Variants in RHOJ observed in about 807,000 individuals in gnomAD.
RHOJ encodes ras homolog family member J.
A neutral mutation model predicts 23.4 loss-of-function variants in RHOJ; 11 were observed. The observed-to-expected ratio is 0.47, with a 90% CI of 0.30 to 0.78. The LOEUF (loss-of-function observed/expected upper bound fraction) is 0.78, where lower values mean the gene tolerates loss of function less well. Ranked by LOEUF, RHOJ falls within the 30% of genes least tolerant of loss-of-function variation. The pLI is 0.08. For synonymous variants in RHOJ, 102 were observed against 102.7 expected (o/e 0.99, Z 0.04); for missense variants, 254 against 273.4 (o/e 0.93, Z 0.50).
chr14:63,257,359 G>A (rs1206475896), intron 1 of RHOJ, among the ~76,000 whole-genome samples: 1 of 149,796 alleles, frequency 6.7e-6, no homozygotes, highest in Non-Finnish European at 1.5e-5. Context: ...CTTCCAGGCA[G>A]AGCCAGCTTA....
chr14:63,289,150 A>G (rs1209142201), intron 4 of RHOJ, among the ~76,000 whole-genome samples: 1 of 152,218 alleles, frequency 6.6e-6, no homozygotes, highest in African/African-American at 2.4e-5. Context: ...TGCCAAATAT[A>G]TCCCACATCA....
At chr14:63,207,064 C>T (rs1457864187) in intron 1 of RHOJ, among the ~76,000 whole-genome samples, 1 of 148,778 alleles carries the variant, frequency 6.7e-6, no homozygotes, top group Non-Finnish European at 1.5e-5. Flanking sequence ...CAGAGTCTTG[C>T]TCTGTCGCCC....
intron 1 of RHOJ, among the ~76,000 whole-genome samples, chr14:63,230,837 A>G (rs1178141045): frequency 9.1e-6 from 1 of 110,370 alleles, no homozygotes; most frequent in Admixed American, 8.0e-5. Flanking sequence ...ACAAGGGTAC[A>G]AGGCTTTTTT....
In RHOJ at chr14:63,281,078, G is replaced by A. The variant is rs1340731689; in HGVS notation, c.345G>A (p.Trp115Ter). The A allele has an allele frequency of 1.9e-6, 3 of 1,614,076 alleles. No homozygotes were observed. The highest frequency in any genetic ancestry group is 1.3e-5 in the African/African-American group (1 of 75,034). Residue 115 changes from tryptophan to a stop codon, truncating the protein, a stop_gained, in exon 3 of 5, where the codon TGG becomes TGA. Coordinates refer to ENST00000316754, the MANE Select transcript of RHOJ (RefSeq NM_020663.5). LOFTEE classifies it high-confidence loss of function. ...CTTACCACAATGTCCAGGAGGAATG[G>A]GTCCCCGAGCTCAAGGACTGCATGC... is the stretch of plus-strand genomic sequence containing the variant. The part of the protein sequence containing the change: ...PASYHNVQEE[W>*]VPELKDCMPH...
At chr14:63,208,239 C>G (rs1894156893) in intron 1 of RHOJ, among the ~76,000 whole-genome samples, 1 of 152,168 alleles carries the variant, frequency 6.6e-6, no homozygotes, top group East Asian at 1.9e-4. Context: ...TTTTAAAGTT[C>G]TACGAATTCT....
intron 1 of RHOJ, among the ~76,000 whole-genome samples, chr14:63,210,715 A>C (rs1291259685): frequency 1.3e-5 from 2 of 152,230 alleles, no homozygotes; most frequent in Non-Finnish European, 2.9e-5. Flanking sequence ...GTTTCACTTG[A>C]CATATAGCAT....
intron 1 of RHOJ, among the ~76,000 whole-genome samples, chr14:63,215,423 A>G (rs183618384): frequency 2.2e-4 from 33 of 152,350 alleles, no homozygotes; most frequent in East Asian, 1.2e-3. Flanking sequence ...AACACTCTGC[A>G]TGGCCTGAGC....
chr14:63,274,368 C>T (rs1881648895), intron 2 of RHOJ, among the ~76,000 whole-genome samples: 1 of 152,196 alleles, frequency 6.6e-6, no homozygotes, highest in African/African-American at 2.4e-5. Flanking sequence ...AGTTTGCCCA[C>T]ATGACAGCTG....
chr14:63,236,510 T>A (rs1894791939), intron 1 of RHOJ, among the ~76,000 whole-genome samples: 1 of 152,016 alleles, frequency 6.6e-6, no homozygotes, highest in Admixed American at 6.6e-5. Flanking sequence ...AGTCCCCTTT[T>A]TAAAACCATC....
chr14:63,242,119 T>C (rs1281621577), intron 1 of RHOJ, among the ~76,000 whole-genome samples: 1 of 152,170 alleles, frequency 6.6e-6, no homozygotes, highest in Non-Finnish European at 1.5e-5. Flanking sequence ...AAATGAAGCG[T>C]ATATACTTTC....
chr14:63,228,947 T>C (rs1249895064), intron 1 of RHOJ, among the ~76,000 whole-genome samples: 1 of 152,202 alleles, frequency 6.6e-6, no homozygotes, highest in Non-Finnish European at 1.5e-5. Context: ...CATGCTCTCA[T>C]AGCTCCTTCT....
At position 63,277,966 on chromosome 14, in the gene RHOJ, A is replaced by AACACACACACACACACACAC. The variant is rs34023824; in HGVS notation, c.238-2989_238-2970dup. On this transcript the variant is annotated intron_variant, in intron 2 of 4. Coordinates refer to ENST00000316754, the MANE Select transcript of RHOJ (RefSeq NM_020663.5). ...TCTCCACTGCCTCACCAGCTACACA[A>AACACACACACACACACACAC]ACACACACACACACACACACACACA... is the stretch of plus-strand genomic sequence containing the variant. Among the ~76,000 whole-genome samples the AACACACACACACACACACAC allele has an allele frequency of 3.1e-3, 434 of 141,490 alleles. 2 individuals are homozygous for AACACACACACACACACACAC. Among genetic ancestry groups the AACACACACACACACACACAC allele is most frequent in the African/African-American group, 0.011 (400 of 37,688 alleles). 92.8% of individuals were successfully genotyped at this position (141,490 alleles called of 152,430 possible).
At chr14:63,279,831 T>A (rs1881843516) in intron 2 of RHOJ, among the ~76,000 whole-genome samples, 1 of 152,238 alleles carries the variant, frequency 6.6e-6, no homozygotes, top group Admixed American at 6.5e-5. Context: ...GCATGTTAGT[T>A]CATTTATTCT....
At chr14:63,236,539 T>C (rs1051131496) in intron 1 of RHOJ, among the ~76,000 whole-genome samples, 10 of 152,130 alleles carry the variant, frequency 6.6e-5, no homozygotes, top group South Asian at 4.2e-4. Context: ...TGAGACTCAT[T>C]CAACACCACA....
intron 3 of RHOJ, among the ~76,000 whole-genome samples, chr14:63,282,081 T>A (rs1881921285): frequency 6.6e-6 from 1 of 152,224 alleles, no homozygotes; most frequent in South Asian, 2.1e-4. Context: ...TAATCATAGT[T>A]AACGCTTCTG....
At chr14:63,245,596 C>T (rs556920453) in intron 1 of RHOJ, among the ~76,000 whole-genome samples, 1 of 152,012 alleles carries the variant, frequency 6.6e-6, no homozygotes, top group African/African-American at 2.4e-5. Context: ...AGTTTGAGAC[C>T]GCAGTGAGCT....
intron 1 of RHOJ, among the ~76,000 whole-genome samples, chr14:63,259,800 A>G (rs1895241628): frequency 6.6e-6 from 1 of 152,236 alleles, no homozygotes. Context: ...TTATTTGAAA[A>G]GAACCTATGT....
At chr14:63,240,481 C>G (rs1894864718) in intron 1 of RHOJ, among the ~76,000 whole-genome samples, 2 of 151,898 alleles carry the variant, frequency 1.3e-5, no homozygotes, top group African/African-American at 4.8e-5. Context: ...TGATTGATCT[C>G]AGAGAAGGGA....
At chr14:63,229,271 TGTTA>T (rs1894648432) in intron 1 of RHOJ, among the ~76,000 whole-genome samples, 2 of 152,226 alleles carry the variant, frequency 1.3e-5, no homozygotes, top group South Asian at 2.1e-4. Flanking sequence ...AATTTAACTA[TGTTA>T]GTATTATGTA....
Sources: allele counts gnomAD v4.1 joint callset (sites outside exome capture counted in the v4.1 genomes callset), GRCh38; gene constraint gnomAD v4.1.1; transcripts MANE v1.5; gene names NCBI Gene and HGNC (gene_info 2026-07-23, HGNC 2026-07-21).